FAM210B: variants seen among roughly 807,000 people sequenced by gnomAD.
FAM210B encodes family with sequence similarity 210 member B.
A neutral mutation model predicts 14.9 loss-of-function variants in FAM210B; 11 were observed. The ratio of observed to expected loss-of-function variants is 0.74; its 90% CI spans 0.46 to 1.22. The LOEUF is 1.22. FAM210B is among the 50% of genes most tolerant of loss of function. The probability of loss-of-function intolerance (pLI) is 0.00; values close to 1 mark genes in which losing one functional copy is unlikely to be tolerated. For missense variants in FAM210B, 229 were observed against 250.1 expected (o/e 0.92, Z 0.57); for synonymous variants, 113 against 110.2 (o/e 1.03, Z -0.16).
At chr20:56,361,269 C>T (rs903077407) in intron 1 of FAM210B, among the ~76,000 whole-genome samples, 4 of 152,288 alleles carry the variant, frequency 2.6e-5, no homozygotes, top group Admixed American at 2.0e-4. Flanking sequence ...TAACATTCCT[C>T]CTACTCCCTG....
In FAM210B at chr20:56,363,853, C is replaced by T. The variant is rs768883061; in HGVS notation, c.187-1234C>T. Among the ~76,000 whole-genome samples the T allele has an allele frequency of 3.3e-5, 5 of 152,144 alleles. No homozygotes were observed. The highest frequency in any genetic ancestry group is 5.9e-5 in the Non-Finnish European group (4 of 68,032). ...TCGCTTTTGCTGCATTAATTTTGTGCGCACCGTCCTTTTTTGATGGCATAT... is the reference window on the plus strand; with the variant it reads ...TCGCTTTTGCTGCATTAATTTTGTGTGCACCGTCCTTTTTTGATGGCATAT... On this transcript the variant is annotated intron_variant, in intron 1 of 2. Transcript: ENST00000371384. The surrounding 1 kb of genome is among the most constrained non-coding windows in gnomAD (Gnocchi z 4.1).
At chr20:56,360,930 G>A (rs1375451888) in intron 1 of FAM210B, among the ~76,000 whole-genome samples, 1 of 152,226 alleles carries the variant, frequency 6.6e-6, no homozygotes, top group East Asian at 1.9e-4. Flanking sequence ...CTCGTCGGGA[G>A]GTAGGAGTGT....
Position 56,359,216 on chromosome 20 carries a change from T to C in FAM210B, c.186+25T>C, listed in dbSNP as rs1983483849. 8.2e-7 allele frequency: 1 copy of C among 1,223,664 alleles called. No homozygotes were observed. Among genetic ancestry groups the C allele is most frequent in the Non-Finnish European group, 1.0e-6 (1 of 983,694 alleles). 75.8% of individuals were successfully genotyped at this position (1,223,664 alleles called of 1,614,324 possible). A position where few individuals can be genotyped will look rare whatever the true frequency, so the allele number is the denominator to read the frequency against. ...GGTAAGCACCCCACCCCGACCCTGA[T>C]CCCGGGCGGTGTCCAGGTCCCCAGA... On this transcript the variant is annotated intron_variant, in intron 1 of 2. Coordinates refer to ENST00000371384, the MANE Select transcript of FAM210B (RefSeq NM_080821.3). The surrounding 1 kb of genome is among the most constrained non-coding windows in gnomAD (Gnocchi z 4.3).
At position 56,362,447 on chromosome 20, in the gene FAM210B, C is replaced by T. The variant is rs745345669; in HGVS notation, c.187-2640C>T. Among the ~76,000 whole-genome samples the T allele has an allele frequency of 1.5e-4, 23 of 152,292 alleles. No homozygotes were observed. Among genetic ancestry groups the T allele is most frequent in the Non-Finnish European group, 3.1e-4 (21 of 68,030 alleles). On this transcript the variant is annotated intron_variant, in intron 1 of 2. Transcript: ENST00000371384. The surrounding 1 kb of genome is among the most constrained non-coding windows in gnomAD (Gnocchi z 4.8). Reference sequence around the variant, plus strand: ...GTGCCTAACACATCCCGGGTACTTACGGCAATGTTTCACGAAGAAATGAAT... The same window carrying T: ...GTGCCTAACACATCCCGGGTACTTATGGCAATGTTTCACGAAGAAATGAAT...
rs566231831 is a variant in FAM210B, at chr20:56,368,596, A to G, written c.*2309A>G. On this transcript the variant is annotated 3_prime_UTR_variant, in exon 3 of 3. Transcript: ENST00000371384. ...TTATGTGAATTCACCAGCAAGATGTACAGAACGCCTGTGTTTACATTGTTT... is the reference window on the plus strand; with the variant it reads ...TTATGTGAATTCACCAGCAAGATGTGCAGAACGCCTGTGTTTACATTGTTT... The G allele has an allele frequency of 4.6e-5, 7 of 152,382 alleles. No individual in the cohort carries two copies. Among genetic ancestry groups the G allele is most frequent in the African/African-American group, 1.7e-4 (7 of 41,594 alleles). 9.4% of individuals were successfully genotyped at this position (152,382 alleles called of 1,614,324 possible). A position where few individuals can be genotyped will look rare whatever the true frequency, so the allele number is the denominator to read the frequency against.
chr20:56,360,894 CCT>C (rs951013076), intron 1 of FAM210B, among the ~76,000 whole-genome samples: 1 of 152,174 alleles, frequency 6.6e-6, no homozygotes, highest in Non-Finnish European at 1.5e-5. Flanking sequence ...CAGAACCTCC[CCT>C]GTCGTCTGTT....
intron 1 of FAM210B, among the ~76,000 whole-genome samples, chr20:56,364,358 C>T (rs1192358511): frequency 1.3e-5 from 2 of 152,166 alleles, no homozygotes; most frequent in East Asian, 1.9e-4. Flanking sequence ...CCAGTAGCAC[C>T]GCATCTTCAG....
intron 1 of FAM210B, among the ~76,000 whole-genome samples, chr20:56,364,771 A>G (rs1481133446): frequency 6.6e-6 from 1 of 152,108 alleles, no homozygotes; most frequent in Admixed American, 6.5e-5. Context: ...TGGCTAACAC[A>G]GTGAAACCCC....
rs1039957469 is a variant in FAM210B, at chr20:56,366,925, A to G, written c.*638A>G. On this transcript the variant is annotated 3_prime_UTR_variant, in exon 3 of 3. Coordinates refer to ENST00000371384, the MANE Select transcript of FAM210B (RefSeq NM_080821.3). ...GGGCTGATTCCAGATGGTTTTTCTGAAATTTCATTAAGGTAGGTCAGCGTC... is the reference window on the plus strand; with the variant it reads ...GGGCTGATTCCAGATGGTTTTTCTGGAATTTCATTAAGGTAGGTCAGCGTC... 2 of 152,364 alleles carry G rather than the reference A, an allele frequency of 1.3e-5. No homozygotes were observed. Among genetic ancestry groups the G allele is most frequent in the African/African-American group, 4.8e-5 (2 of 41,448 alleles). 9.4% of individuals were successfully genotyped at this position (152,364 alleles called of 1,614,324 possible). A position where few individuals can be genotyped will look rare whatever the true frequency, so the allele number is the denominator to read the frequency against.
At position 56,359,187 on chromosome 20, in the gene FAM210B, A is replaced by G. The variant is rs938150644; in HGVS notation, c.182A>G (p.His61Arg). ...ACGGCGCGCGGGGACTGCCGCGGCC[A>G]CCAGGTAAGCACCCCACCCCGACCC... ...LRTARGDCRGHQDPSQATGTT... is the reference protein window; with the variant it reads ...LRTARGDCRGRQDPSQATGTT... Residue 61 changes from histidine (H) to arginine (R), a missense_variant, in exon 1 of 3, where the codon CAC becomes CGC. Coordinates refer to ENST00000371384, the MANE Select transcript of FAM210B (RefSeq NM_080821.3). This position sits in a 1 kb window ranked among gnomAD's most constrained non-coding sequence, Gnocchi z 4.3. The G allele has an allele frequency of 5.2e-5, 64 of 1,235,062 alleles. No individual in the cohort carries two copies. The African/African-American group carries it at 1.0e-3, about 19-fold the overall frequency. The allele number at this position is 1,235,062 out of a possible 1,614,324, so 76.5% of individuals were successfully genotyped here. A position where few individuals can be genotyped will look rare whatever the true frequency, so the allele number is the denominator to read the frequency against.
chr20:56,364,039 G>A (rs148727346), intron 1 of FAM210B, among the ~76,000 whole-genome samples: 2,461 of 152,274 alleles, frequency 0.016, 41 homozygotes, highest in Non-Finnish European at 0.021. Context: ...AGGATGGAAG[G>A]AGAAAGGGTT....
At chr20:56,360,353 C>T (rs919637691) in intron 1 of FAM210B, 1 of 423,898 alleles carries the variant, frequency 2.4e-6, no homozygotes, top group African/African-American at 2.0e-5. Context: ...CTGCTTCCAC[C>T]CCATGGCTGT....
At position 56,368,615 on chromosome 20, in the gene FAM210B, A is replaced by C. The variant is rs186921166; in HGVS notation, c.*2328A>C. 6.6e-6 allele frequency: 1 copy of C among 152,236 alleles called. No homozygotes were observed. Among genetic ancestry groups the C allele is most frequent in the Non-Finnish European group, 1.5e-5 (1 of 68,036 alleles). The allele number at this position is 152,236 out of a possible 1,614,324, so 9.4% of individuals were successfully genotyped here. Reference sequence around the variant, plus strand: ...AGATGTACAGAACGCCTGTGTTTACATTGTTTTTATGGAACTAGCAGAATA... The same window carrying C: ...AGATGTACAGAACGCCTGTGTTTACCTTGTTTTTATGGAACTAGCAGAATA... On this transcript the variant is annotated 3_prime_UTR_variant, in exon 3 of 3. Transcript: ENST00000371384.
chr20:56,359,247 G>T lies in FAM210B; in HGVS notation c.186+56G>T. The stretch of plus-strand genomic sequence containing the variant: ...GCGGTGTCCAGGTCCCCAGACGTCC[G>T]CAGGGCCGCGCCGGGGTCCGGCCGC... On this transcript the variant is annotated intron_variant, in intron 1 of 2. Transcript: ENST00000371384. This position sits in a 1 kb window ranked among gnomAD's most constrained non-coding sequence, Gnocchi z 4.3. 8.2e-7 allele frequency: 1 copy of T among 1,212,494 alleles called. No homozygotes were observed. Among genetic ancestry groups the T allele is most frequent in the Non-Finnish European group, 1.0e-6 (1 of 975,764 alleles). 75.1% of individuals were successfully genotyped at this position (1,212,494 alleles called of 1,614,324 possible).
Position 56,365,207 on chromosome 20 carries a change from T to C in FAM210B, c.307T>C (p.Leu103=), listed in dbSNP as rs763702536. The part of the protein sequence containing the change: ...FQEYGTVGVS[L]HIGISLISLG... The stretch of plus-strand genomic sequence containing the variant: ...AGAGTATGGCACTGTTGGCGTGTCA[T>C]TGCACATTGGAATCTCATTAATTTC... The change falls in exon 2 of 3, where the codon TTG becomes CTG. Residue 103 remains leucine (L), a synonymous_variant. Coordinates refer to ENST00000371384, the MANE Select transcript of FAM210B (RefSeq NM_080821.3). 1.2e-6 allele frequency: 2 copies of C among 1,614,166 alleles called. No individual in the cohort carries two copies. Among genetic ancestry groups the C allele is most frequent in the Non-Finnish European group, 1.7e-6 (2 of 1,180,016 alleles).
chr20:56,364,846 T>C lies in FAM210B; in HGVS notation c.187-241T>C, dbSNP rs113712935. 4.6e-3 allele frequency among the ~76,000 whole-genome samples: 696 copies of C among 152,166 alleles called. 9 individuals are homozygous for C. Among genetic ancestry groups the C allele is most frequent in the African/African-American group, 0.016 (667 of 41,514 alleles). On this transcript the variant is annotated intron_variant, in intron 1 of 2. Coordinates refer to ENST00000371384, the MANE Select transcript of FAM210B (RefSeq NM_080821.3). ...GCACACACCTGTAATCCCAGCTACT[T>C]GAGAGGCTGAGGCAAAAGAATCCTT...
In FAM210B at chr20:56,365,116, C is replaced by G. The variant is rs768831283; in HGVS notation, c.216C>G (p.Gly72=). The G allele has an allele frequency of 1.9e-6, 3 of 1,613,648 alleles. No individual in the cohort carries two copies. The highest frequency in any genetic ancestry group is 2.5e-6 in the Non-Finnish European group (3 of 1,180,002). ...CCAGCCAGGCCACGGGGACAACAGGCAGCAGCGTCAGCTGCACAGAGGAGA... is the reference window on the plus strand; with the variant it reads ...CCAGCCAGGCCACGGGGACAACAGGGAGCAGCGTCAGCTGCACAGAGGAGA... ...QDPSQATGTT[G]SSVSCTEEKK... The change falls in exon 2 of 3, where the codon GGC becomes GGG. Residue 72 remains glycine, a synonymous_variant. Coordinates refer to ENST00000371384, the MANE Select transcript of FAM210B (RefSeq NM_080821.3).
intron 2 of FAM210B, among the ~76,000 whole-genome samples, chr20:56,365,795 G>T (rs555336771): frequency 2.6e-5 from 4 of 151,436 alleles, no homozygotes; most frequent in Non-Finnish European, 4.4e-5. Flanking sequence ...GAGCCCCCGC[G>T]TCAGGCCGAT....
intron 1 of FAM210B, among the ~76,000 whole-genome samples, chr20:56,361,659 T>C (rs1057501051): frequency 6.6e-6 from 1 of 152,182 alleles, no homozygotes; most frequent in African/African-American, 2.4e-5. Context: ...GAGGATTATA[T>C]GCATTAATAT....
Sources: allele counts gnomAD v4.1 joint callset (sites outside exome capture counted in the v4.1 genomes callset), GRCh38; gene constraint gnomAD v4.1.1; non-coding constraint Gnocchi (gnomAD v3.1); transcripts MANE v1.5; gene names NCBI Gene and HGNC (gene_info 2026-07-23, HGNC 2026-07-21).